CEP128: variants seen among roughly 807,000 people sequenced by gnomAD.
CEP128 encodes the protein centrosomal protein 128kDa.
CEP128 carries 132 observed loss-of-function variants against 156.7 expected under a neutral mutation model. That is an observed-to-expected ratio of 0.84 (90% CI 0.73 to 0.97). CEP128 has a LOEUF of 0.97. CEP128 is among the 50% of genes least tolerant of loss of function. The pLI is 0.00. For synonymous variants in CEP128, 469 were observed against 448.9 expected, an observed-to-expected ratio of 1.04 and a Z score of -0.57; for missense variants, 1,252 against 1,281.9, an observed-to-expected ratio of 0.98 and a Z score of 0.36.
At chr14:80,807,540 A>G (rs930165065) in intron 13 of CEP128, among the ~76,000 whole-genome samples, 8 of 152,214 alleles carry the variant, frequency 5.3e-5, no homozygotes, top group Non-Finnish European at 8.8e-5. Flanking sequence ...CTCAACTGGG[A>G]TCAGCTGAAG....
intron 17 of CEP128, among the ~76,000 whole-genome samples, chr14:80,760,673 G>A (rs1899917806): frequency 6.6e-6 from 1 of 152,036 alleles, no homozygotes; most frequent in African/African-American, 2.4e-5. Flanking sequence ...ACAATGTAAT[G>A]TTCTCTGTAT....
chr14:80,614,691 C>T (rs542426838), intron 19 of CEP128, among the ~76,000 whole-genome samples: 1 of 152,280 alleles, frequency 6.6e-6, no homozygotes, highest in African/African-American at 2.4e-5. Context: ...CACCCAGATA[C>T]CTTCTACTAA....
intron 15 of CEP128, among the ~76,000 whole-genome samples, chr14:80,779,384 AT>A (rs1032625129): frequency 1.3e-5 from 2 of 152,324 alleles, no homozygotes; most frequent in African/African-American, 4.8e-5. Flanking sequence ...AAAGAAATTG[AT>A]TTTTTATGAG....
chr14:80,955,267 G>A (rs533944495), intron 2 of CEP128: 1 of 352,706 alleles, frequency 2.8e-6, no homozygotes, highest in African/African-American at 2.1e-5. Flanking sequence ...GCTAGGGAAG[G>A]TGGCTCCTTG....
intron 8 of CEP128, among the ~76,000 whole-genome samples, chr14:80,882,688 GGATA>G (rs1888608940): frequency 6.7e-6 from 1 of 148,648 alleles, no homozygotes; most frequent in Non-Finnish European, 1.5e-5. Flanking sequence ...ACAGATGAAT[GGATA>G]AAGAAAATGT....
At chr14:80,683,533 C>G (rs912314750) in intron 19 of CEP128, among the ~76,000 whole-genome samples, 4 of 152,090 alleles carry the variant, frequency 2.6e-5, no homozygotes, top group African/African-American at 9.7e-5. Flanking sequence ...TGGTGGACTT[C>G]CACAACATGC....
intron 1 of CEP128, among the ~76,000 whole-genome samples, chr14:80,940,345 C>T (rs1373063581): frequency 6.6e-6 from 1 of 152,164 alleles, no homozygotes; most frequent in African/African-American, 2.4e-5. Context: ...ATAGGCACAA[C>T]CAAATTTATG....
rs552661665 is a variant in CEP128 at position 80,690,244 on chromosome 14, TAAAAAAAAAA to T, written c.2806+52821_2806+52830del. The stretch of plus-strand genomic sequence containing the variant: ...CAACACGGAGAAACCCTGTCTCTAT[TAAAAAAAAAA>T]AAAAAAAAAAAATTAGCCGGGCATG... On this transcript the variant is annotated intron_variant, in intron 19 of 24. Coordinates refer to ENST00000555265, the MANE Select transcript of CEP128 (RefSeq NM_152446.5). Among the ~76,000 whole-genome samples the T allele has an allele frequency of 7.7e-3, 898 of 116,426 alleles. 11 individuals are homozygous for T. The highest frequency in any genetic ancestry group is 0.041 in the South Asian group (148 of 3,576). The allele number at this position is 116,426 out of a possible 152,430, so 76.4% of individuals were successfully genotyped here.
In CEP128 at chr14:80,682,586, C is replaced by T. The variant is rs1896365824; in HGVS notation, c.2806+60489G>A. Among the ~76,000 whole-genome samples the T allele has an allele frequency of 1.3e-5, 2 of 152,014 alleles. 1 individual carries two copies. Among genetic ancestry groups the T allele is most frequent in the Admixed American group, 1.3e-4 (2 of 15,256 alleles). ...AGAGAAATATTCACATACAGAAAAC[C>T]TAGAGAACACTTGAAAGATACTATA... On this transcript the variant is annotated intron_variant, in intron 19 of 24. Coordinates refer to ENST00000555265, the MANE Select transcript of CEP128 (RefSeq NM_152446.5).
intron 4 of CEP128, among the ~76,000 whole-genome samples, chr14:80,914,038 G>T (rs879919915): frequency 8.6e-5 from 13 of 151,884 alleles, no homozygotes; most frequent in Admixed American, 8.5e-4. Context: ...CTACATGAGG[G>T]GTCTCTCCAT....
At chr14:80,577,001 T>C (rs1891389817) in intron 20 of CEP128, among the ~76,000 whole-genome samples, 1 of 152,298 alleles carries the variant, frequency 6.6e-6, no homozygotes, top group South Asian at 2.1e-4. Context: ...CTAAACCCCA[T>C]AGCTAAATGG....
At chr14:80,565,361 A>T (rs997354704) in intron 20 of CEP128, among the ~76,000 whole-genome samples, 5 of 152,074 alleles carry the variant, frequency 3.3e-5, no homozygotes, top group Admixed American at 2.6e-4. Context: ...ACTTCCCAAG[A>T]TTTTAAAGGT....
At chr14:80,492,960 C>A (rs1887373791), downstream of CEP128, among the ~76,000 whole-genome samples, 1 of 151,952 alleles carries the variant, frequency 6.6e-6, no homozygotes, top group Admixed American at 6.6e-5. Context: ...CATTAGTTTT[C>A]TTTTAAAAAT....
intron 13 of CEP128, among the ~76,000 whole-genome samples, chr14:80,823,510 T>C (rs1242719106): frequency 6.6e-6 from 1 of 152,188 alleles, no homozygotes; most frequent in East Asian, 1.9e-4. Flanking sequence ...TGAAAGTTGT[T>C]GTATACTGTT....
At chr14:80,663,942 C>G (rs1414690192) in intron 19 of CEP128, among the ~76,000 whole-genome samples, 1 of 152,182 alleles carries the variant, frequency 6.6e-6, no homozygotes, top group African/African-American at 2.4e-5. Flanking sequence ...TCTGCTAACT[C>G]TTACCCTAAA....
chr14:80,714,998 G>A (rs900702084), intron 19 of CEP128, among the ~76,000 whole-genome samples: 48 of 152,174 alleles, frequency 3.2e-4, no homozygotes, highest in African/African-American at 1.1e-3. Flanking sequence ...CGTGGTGGGC[G>A]GATCACTTGA....
At chr14:80,932,393 G>A (rs1035853633) in intron 2 of CEP128, among the ~76,000 whole-genome samples, 2 of 152,206 alleles carry the variant, frequency 1.3e-5, no homozygotes, top group Admixed American at 1.3e-4. Flanking sequence ...AACTTCCTGA[G>A]ATTGCAAATG....
intron 23 of CEP128, among the ~76,000 whole-genome samples, chr14:80,517,898 C>A (rs980761813): frequency 6.6e-6 from 1 of 151,928 alleles, no homozygotes; most frequent in Non-Finnish European, 1.5e-5. Context: ...TGGCAATGGG[C>A]GCCTCGCTGG....
chr14:80,534,824 C>CA (rs371773612), intron 21 of CEP128, among the ~76,000 whole-genome samples: 2,256 of 58,780 alleles, frequency 0.038, 112 homozygotes, highest in African/African-American at 0.07. Flanking sequence ...GATTCCGTCT[C>CA]AAAAAAAAAA....
Sources: allele counts gnomAD v4.1 joint callset (sites outside exome capture counted in the v4.1 genomes callset), GRCh38; gene constraint gnomAD v4.1.1; transcripts MANE v1.5; gene names NCBI Gene and HGNC (gene_info 2026-07-23, HGNC 2026-07-21).